CNTNAP2: variants seen among roughly 807,000 people sequenced by gnomAD.
The protein encoded by CNTNAP2 is contactin-associated protein-like 2.
A neutral mutation model predicts 155.2 loss-of-function variants in CNTNAP2; 98 were observed. The observed-to-expected ratio is 0.63, with a 90% CI of 0.54 to 0.75. The LOEUF (loss-of-function observed/expected upper bound fraction) is 0.75. Ranked by LOEUF, CNTNAP2 falls within the 30% of genes least tolerant of loss-of-function variation. The pLI, the probability that CNTNAP2 is intolerant of heterozygous loss-of-function variation, is 0.00. For missense variants in CNTNAP2, 1,727 were observed against 1,688.1 expected, an observed-to-expected ratio of 1.02 and a Z score of -0.40; for synonymous variants, 651 against 631.2, an observed-to-expected ratio of 1.03 and a Z score of -0.47.
chr7:148,126,913 C>G (rs147875556), intron 16 of CNTNAP2, among the ~76,000 whole-genome samples: 142 of 152,162 alleles, frequency 9.3e-4, no homozygotes, highest in African/African-American at 3.2e-3. Context: ...AGTTAGGGTC[C>G]CCTTAGGGTG....
intron 1 of CNTNAP2, among the ~76,000 whole-genome samples, chr7:146,754,396 T>C (rs1277874014): frequency 6.8e-6 from 1 of 146,338 alleles, no homozygotes; most frequent in Non-Finnish European, 1.5e-5. Flanking sequence ...TATATTTTGA[T>C]TCATTTTTTA....
chr7:148,243,064 AG>A (rs1466438361), intron 20 of CNTNAP2, among the ~76,000 whole-genome samples: 1 of 152,178 alleles, frequency 6.6e-6, no homozygotes, highest in Non-Finnish European at 1.5e-5. Context: ...AAGAAGTGGA[AG>A]TCAGAGAATG....
chr7:147,121,234 A>G, intron 6 of CNTNAP2, 71 bp downstream of exon 6: 4 of 1,437,044 alleles, frequency 2.8e-6, no homozygotes, highest in South Asian at 2.4e-5. Flanking sequence ...GTATTGTATT[A>G]TTGTTAATTA....
At chr7:147,323,917 AT>A (rs1795401666) in intron 9 of CNTNAP2, among the ~76,000 whole-genome samples, 1 of 152,072 alleles carries the variant, frequency 6.6e-6, no homozygotes, top group African/African-American at 2.4e-5. Flanking sequence ...AAAATGGACC[AT>A]TTCCCAAAAC....
chr7:146,760,022 T>A (rs1434323066), intron 1 of CNTNAP2, among the ~76,000 whole-genome samples: 1 of 152,202 alleles, frequency 6.6e-6, no homozygotes, highest in East Asian at 1.9e-4. Flanking sequence ...GCCCTTGCTT[T>A]CTGTTTTCTA....
intron 17 of CNTNAP2, among the ~76,000 whole-genome samples, chr7:148,153,127 T>A (rs1319488479): frequency 7.4e-5 from 11 of 149,450 alleles, no homozygotes; most frequent in Admixed American, 6.7e-4. Flanking sequence ...AGCCAGGCTG[T>A]GAGGCTAGAA....
intron 1 of CNTNAP2, among the ~76,000 whole-genome samples, chr7:146,207,633 CTG>C (rs1475829628): frequency 5.0e-5 from 6 of 118,996 alleles, no homozygotes; most frequent in Non-Finnish European, 1.0e-4. Flanking sequence ...CAGAACAGGA[CTG>C]TGTTTTTTTT....
intron 18 of CNTNAP2, among the ~76,000 whole-genome samples, chr7:148,183,571 T>C (rs994781266): frequency 4.3e-5 from 6 of 139,844 alleles, no homozygotes; most frequent in Non-Finnish European, 7.6e-5. Context: ...ATCCTCGACC[T>C]CCTGGGCTCA....
rs532448668 is a variant in CNTNAP2, at chr7:147,965,025, T to C, written c.2256-12837T>C. Among the ~76,000 whole-genome samples, 11 of 152,310 alleles carry C rather than the reference T, an allele frequency of 7.2e-5. No homozygotes were observed. The South Asian group carries it at 1.7e-3, about 23-fold the overall frequency. On this transcript the variant is annotated intron_variant, in intron 14 of 23. Transcript: ENST00000361727. ...CAAAGGTACAAGCCCAAGAATCCTTTAATATGTTGGCCATCCTATTTCAGA... is the reference window on the plus strand; with the variant it reads ...CAAAGGTACAAGCCCAAGAATCCTTCAATATGTTGGCCATCCTATTTCAGA...
chr7:147,653,143 CAT>C (rs1323734216), intron 13 of CNTNAP2, among the ~76,000 whole-genome samples: 1 of 152,152 alleles, frequency 6.6e-6, no homozygotes, highest in Non-Finnish European at 1.5e-5. Context: ...TCAAATAGAA[CAT>C]ATGAATTGTA....
chr7:148,261,465 T>C (rs571753093), intron 20 of CNTNAP2, among the ~76,000 whole-genome samples: 71 of 152,310 alleles, frequency 4.7e-4, no homozygotes, highest in African/African-American at 1.7e-3. Context: ...AACGCATCTG[T>C]TGTTTTTCAA....
intron 1 of CNTNAP2, among the ~76,000 whole-genome samples, chr7:146,587,507 A>G (rs347177): frequency 0.82 from 124,772 of 151,988 alleles, 51,777 homozygotes; most frequent in South Asian, 0.9. Context: ...TCTCCACGTC[A>G]TCACCTTTTA....
At chr7:147,850,414 T>C (rs1339542543) in intron 13 of CNTNAP2, among the ~76,000 whole-genome samples, 1 of 152,214 alleles carries the variant, frequency 6.6e-6, no homozygotes, top group Admixed American at 6.5e-5. Context: ...TGGAAAAAAC[T>C]GCTTTAAAGT....
At chr7:146,161,105 G>A (rs1335457243) in intron 1 of CNTNAP2, among the ~76,000 whole-genome samples, 1 of 151,664 alleles carries the variant, frequency 6.6e-6, no homozygotes, top group Non-Finnish European at 1.5e-5. Flanking sequence ...CAAAAAACAC[G>A]TTTATCTCAA....
chr7:147,523,619 T>G (rs915068798), intron 11 of CNTNAP2, among the ~76,000 whole-genome samples: 1 of 152,118 alleles, frequency 6.6e-6, no homozygotes, highest in Non-Finnish European at 1.5e-5. Context: ...CAGCTGAGCC[T>G]CCTCCTCTCT....
chr7:147,899,761 T>G (rs1799832375), intron 13 of CNTNAP2, among the ~76,000 whole-genome samples: 1 of 152,076 alleles, frequency 6.6e-6, no homozygotes, highest in Non-Finnish European at 1.5e-5. Flanking sequence ...GGTGCATGCC[T>G]GTAATCCCAG....
intron 13 of CNTNAP2, among the ~76,000 whole-genome samples, chr7:147,848,140 C>G (rs879867370): frequency 0.045 from 6,150 of 135,430 alleles, 295 homozygotes; most frequent in Non-Finnish European, 0.064. Context: ...TGGAGCTTCC[C>G]GGCTGCTTTG....
intron 1 of CNTNAP2, among the ~76,000 whole-genome samples, chr7:146,367,348 C>T (rs1273925506): frequency 6.6e-6 from 1 of 152,148 alleles, no homozygotes; most frequent in African/African-American, 2.4e-5. Flanking sequence ...ACATTTCATT[C>T]TATGCCTGCA....
At chr7:147,950,940 C>A (rs1800919150) in intron 14 of CNTNAP2, among the ~76,000 whole-genome samples, 1 of 152,202 alleles carries the variant, frequency 6.6e-6, no homozygotes, top group Admixed American at 6.5e-5. Context: ...ACTGCTCTGG[C>A]CCAAGCCTCT....
Sources: allele counts gnomAD v4.1 joint callset (sites outside exome capture counted in the v4.1 genomes callset), GRCh38; gene constraint gnomAD v4.1.1; transcripts MANE v1.5; gene names NCBI Gene and HGNC (gene_info 2026-07-23, HGNC 2026-07-21).